TRHDE: variants seen among roughly 807,000 people sequenced by gnomAD.
The protein encoded by TRHDE is thyrotropin-releasing hormone-degrading ectoenzyme.
A neutral mutation model predicts 125.7 loss-of-function variants in TRHDE; 72 were observed. That is an observed-to-expected ratio of 0.57 (90% CI 0.47 to 0.70). TRHDE has a LOEUF of 0.70. Among genes scored for constraint, TRHDE ranks in the 30% least tolerant of loss-of-function variants. The pLI is 0.00. For missense variants in TRHDE, 1,110 were observed against 1,327.1 expected (o/e 0.84, Z 2.54); for synonymous variants, 509 against 509.1 (o/e 1.00, Z 0.00).
chr12:72,281,781 T>C (rs1466564660), intron 1 of TRHDE, among the ~76,000 whole-genome samples: 2 of 152,216 alleles, frequency 1.3e-5, no homozygotes, highest in Non-Finnish European at 2.9e-5. Flanking sequence ...CTGTAATTTG[T>C]TGGCAATATC....
At chr12:72,440,106 A>T (rs1466928619) in intron 3 of TRHDE, among the ~76,000 whole-genome samples, 1 of 151,988 alleles carries the variant, frequency 6.6e-6, no homozygotes, top group Admixed American at 6.6e-5. Context: ...ACTGGGATGA[A>T]TCCCACTCGA....
intron 5 of TRHDE, among the ~76,000 whole-genome samples, chr12:72,482,011 T>G (rs1223488210): frequency 6.6e-6 from 1 of 151,996 alleles, no homozygotes; most frequent in African/African-American, 2.4e-5. Context: ...GTCAATAATT[T>G]TATATAAATT....
rs184291330 is a variant in TRHDE, at chr12:72,439,251, T to G, written c.1316-30507T>G. 4.8e-3 allele frequency among the ~76,000 whole-genome samples: 732 copies of G among 152,116 alleles called. 11 individuals carry two copies. The highest frequency in any genetic ancestry group is 0.017 in the African/African-American group (687 of 41,552). ...GGTAGTGTGGTGCCTCCAGCTTTGA[T>G]CTTTTTGCTCAAGTTTGCTTTGGCT... On this transcript the variant is annotated intron_variant, in intron 3 of 18. Transcript: ENST00000261180.
At chr12:72,330,319 G>A (rs1869532142) in intron 2 of TRHDE, among the ~76,000 whole-genome samples, 1 of 141,338 alleles carries the variant, frequency 7.1e-6, no homozygotes, top group East Asian at 2.1e-4. Flanking sequence ...AAAAATAAAG[G>A]CAAAGAAAAG....
intron 2 of TRHDE, among the ~76,000 whole-genome samples, chr12:72,319,781 T>G (rs979307897): frequency 5.3e-5 from 8 of 152,210 alleles, no homozygotes; most frequent in African/African-American, 1.9e-4. Flanking sequence ...GTGGAGAATC[T>G]GGTTCTTTAT....
At chr12:72,282,679 T>C (rs1034236101) in intron 1 of TRHDE, among the ~76,000 whole-genome samples, 2 of 152,240 alleles carry the variant, frequency 1.3e-5, no homozygotes, top group African/African-American at 4.8e-5. Context: ...GAAAACTTTA[T>C]TGAAGGCTTG....
intron 3 of TRHDE, among the ~76,000 whole-genome samples, chr12:72,458,628 T>G (rs73146931): frequency 0.022 from 3,395 of 152,232 alleles, 51 homozygotes; most frequent in Non-Finnish European, 0.033. Flanking sequence ...TATCTCTATT[T>G]GGATGTTCTA....
At chr12:72,105,671 T>C (rs1013834734) in exon 2 of TRHDE, 4 of 152,160 alleles carry the variant, frequency 2.6e-5, no homozygotes, top group Non-Finnish European at 5.9e-5. Context: ...GCACAAGTGT[T>C]ATGTGGTCAA....
chr12:72,233,835 C>T (rs185209108), intron 2 of TRHDE, among the ~76,000 whole-genome samples: 24 of 152,232 alleles, frequency 1.6e-4, no homozygotes, highest in Admixed American at 3.9e-4. Flanking sequence ...CCACTTTTTT[C>T]CCAAGATTCC....
intron 2 of TRHDE, among the ~76,000 whole-genome samples, chr12:72,186,959 G>A (rs1393442950): frequency 6.6e-6 from 1 of 151,908 alleles, no homozygotes; most frequent in Non-Finnish European, 1.5e-5. Flanking sequence ...AAACTATCAT[G>A]GTGGAAGAGA....
chr12:72,410,417 A>G (rs1873445755), intron 3 of TRHDE, among the ~76,000 whole-genome samples: 1 of 152,128 alleles, frequency 6.6e-6, no homozygotes, highest in Non-Finnish European at 1.5e-5. Flanking sequence ...CATAACTTTA[A>G]TATCAGAACC....
At chr12:72,600,879 A>G (rs1259381500) in intron 12 of TRHDE, among the ~76,000 whole-genome samples, 1 of 152,086 alleles carries the variant, frequency 6.6e-6, no homozygotes, top group Non-Finnish European at 1.5e-5. Flanking sequence ...GTCATCCAAG[A>G]GCTCTGATAC....
intron 2 of TRHDE, among the ~76,000 whole-genome samples, chr12:72,235,600 A>G (rs945725747): frequency 5.9e-5 from 9 of 152,148 alleles, no homozygotes; most frequent in Admixed American, 2.6e-4. Context: ...GGTTTGGCCA[A>G]TCTATGAAGG....
chr12:72,621,772 T>C (rs966721563), intron 15 of TRHDE, 21 bp downstream of exon 15: 2 of 1,522,660 alleles, frequency 1.3e-6, no homozygotes, highest in East Asian at 2.3e-5. Flanking sequence ...CCAAATCCTG[T>C]ATTTCTGATA....
At chr12:72,580,979 T>C (rs761888773) in intron 12 of TRHDE, among the ~76,000 whole-genome samples, 3 of 152,014 alleles carry the variant, frequency 2.0e-5, no homozygotes, top group Non-Finnish European at 4.4e-5. Flanking sequence ...AAATATCCTA[T>C]AGGAAATACC....
intron 12 of TRHDE, among the ~76,000 whole-genome samples, chr12:72,596,405 A>C (rs534869890): frequency 6.6e-6 from 1 of 152,280 alleles, no homozygotes; most frequent in South Asian, 2.1e-4. Context: ...CCACTGTAAC[A>C]CTGTTTTGCA....
At chr12:72,146,514 A>C (rs1258078704) in intron 2 of TRHDE, among the ~76,000 whole-genome samples, 3 of 152,268 alleles carry the variant, frequency 2.0e-5, no homozygotes, top group Non-Finnish European at 4.4e-5. Context: ...TTAATGGGTC[A>C]GAAAAGAGTG....
chr12:72,284,141 T>G, intron 1 of TRHDE, among the ~76,000 whole-genome samples: 1 of 152,126 alleles, frequency 6.6e-6, no homozygotes, highest in East Asian at 1.9e-4. Flanking sequence ...GGGTTAGGGA[T>G]GCTCAGCTGG....
At chr12:72,250,639 C>T (rs1218559157) in intron 2 of TRHDE, among the ~76,000 whole-genome samples, 1 of 151,884 alleles carries the variant, frequency 6.6e-6, no homozygotes, top group East Asian at 1.9e-4. Flanking sequence ...GAATGTTTGG[C>T]ACTAAGCTGC....
Sources: allele counts gnomAD v4.1 joint callset (sites outside exome capture counted in the v4.1 genomes callset), GRCh38; gene constraint gnomAD v4.1.1; transcripts MANE v1.5; gene names NCBI Gene and HGNC (gene_info 2026-07-23, HGNC 2026-07-21).